Variants in JHY observed in about 807,000 individuals in gnomAD.
JHY encodes junctional cadherin complex regulator.
In JHY, 69 loss-of-function variants were observed where a neutral mutation model predicts 78.0. The observed-to-expected ratio is 0.88, with a 90% CI of 0.73 to 1.08. JHY has a LOEUF of 1.08. Ranked by LOEUF, JHY falls within the 50% of genes least tolerant of loss-of-function variation. The pLI is 0.00. For synonymous variants in JHY, 368 were observed against 342.6 expected, an observed-to-expected ratio of 1.07 and a Z score of -0.82; for missense variants, 944 against 927.8, an observed-to-expected ratio of 1.02 and a Z score of -0.23.
chr11:122,900,511 CTTTTT>C (rs374998954), intron 2 of JHY, among the ~76,000 whole-genome samples: 5 of 65,098 alleles, frequency 7.7e-5, no homozygotes, highest in African/African-American at 1.8e-4. Context: ...ATACTACCAG[CTTTTT>C]TTTTTTTTTT....
intron 3 of JHY, among the ~76,000 whole-genome samples, chr11:122,910,733 C>A (rs979746996): frequency 6.6e-6 from 1 of 152,106 alleles, no homozygotes; most frequent in Non-Finnish European, 1.5e-5. Flanking sequence ...TTTGTAGTAA[C>A]CCTTATAACT....
chr11:122,950,723 C>T (rs964985184), intron 6 of JHY, among the ~76,000 whole-genome samples: 34 of 152,212 alleles, frequency 2.2e-4, no homozygotes, highest in African/African-American at 6.8e-4. Context: ...CTTTTCCTTT[C>T]CCCTTCTTTT....
intron 7 of JHY, among the ~76,000 whole-genome samples, chr11:122,956,897 T>C (rs1429842779): frequency 6.6e-6 from 1 of 152,150 alleles, no homozygotes; most frequent in Non-Finnish European, 1.5e-5. Flanking sequence ...ATCTTGATAA[T>C]TGTGAAGAGT....
At chr11:122,939,605 G>A (rs1863830115) in intron 5 of JHY, among the ~76,000 whole-genome samples, 2 of 152,010 alleles carry the variant, frequency 1.3e-5, no homozygotes, top group African/African-American at 4.8e-5. Context: ...GAGTTAAATT[G>A]CATGCTTATT....
chr11:122,957,404 C>A lies in JHY; in HGVS notation c.2052C>A (p.Val684=), dbSNP rs745822540. 1 of 1,533,036 alleles carries A rather than the reference C, an allele frequency of 6.5e-7. No individual in the cohort carries two copies. Among genetic ancestry groups the A allele is most frequent in the Non-Finnish European group, 8.7e-7 (1 of 1,152,910 alleles). 95.0% of individuals were successfully genotyped at this position (1,533,036 alleles called of 1,614,324 possible). The change falls in exon 8 of 9, where the codon GTC becomes GTA. Residue 684 remains valine (V), a synonymous_variant. Coordinates refer to ENST00000227349, the MANE Select transcript of JHY (RefSeq NM_024806.4). ...AGCAAAAGGAATATGCAAAACAAGT[C>A]AAGGAGTACAACATGAAGACACTAT... is the stretch of plus-strand genomic sequence containing the variant. The part of the protein sequence containing the change: ...LIQQKEYAKQ[V]KEYNMKTLSI...
chr11:122,909,531 G>T (rs1023762907), intron 3 of JHY, among the ~76,000 whole-genome samples: 27 of 152,288 alleles, frequency 1.8e-4, no homozygotes, highest in African/African-American at 4.8e-4. Flanking sequence ...CGTAAACTCA[G>T]CATTTTGGGA....
rs1393825751 is a variant in JHY at position 122,956,593 on chromosome 11, T to TA, written c.2010+18dup. 8.7e-6 allele frequency: 14 copies of TA among 1,610,134 alleles called. No homozygotes were observed. The highest frequency in any genetic ancestry group is 1.2e-5 in the Non-Finnish European group (14 of 1,177,204). The stretch of plus-strand genomic sequence containing the variant: ...AGAGACAAAGTGAGTGAGATGCACA[T>TA]ACAGTGTTTCCAGACCTGACTCAGC... On this transcript the variant is annotated intron_variant, in intron 7 of 8. Transcript: ENST00000227349.
At chr11:122,951,379 G>A (rs1264422404) in intron 6 of JHY, among the ~76,000 whole-genome samples, 1 of 152,202 alleles carries the variant, frequency 6.6e-6, no homozygotes, top group East Asian at 1.9e-4. Context: ...CTGAGCTGAA[G>A]TAATTAACTC....
intron 2 of JHY, among the ~76,000 whole-genome samples, chr11:122,903,548 A>C (rs1428205158): frequency 1.3e-5 from 2 of 152,180 alleles, no homozygotes; most frequent in African/African-American, 4.8e-5. Context: ...TCGTGATTAT[A>C]GCTCACTGTA....
intron 5 of JHY, among the ~76,000 whole-genome samples, chr11:122,943,490 C>A (rs970508159): frequency 2.6e-5 from 4 of 152,018 alleles, no homozygotes; most frequent in Non-Finnish European, 5.9e-5. Flanking sequence ...TCTTTTAAGT[C>A]TTCTATAGCC....
chr11:122,944,070 A>C (rs1591395662), intron 5 of JHY, among the ~76,000 whole-genome samples: 1 of 152,058 alleles, frequency 6.6e-6, no homozygotes, highest in African/African-American at 2.4e-5. Flanking sequence ...GGTGGGGTGC[A>C]CCTGTGGTCA....
At chr11:122,884,914 C>T (rs558824424) in intron 1 of JHY, among the ~76,000 whole-genome samples, 1 of 152,148 alleles carries the variant, frequency 6.6e-6, no homozygotes, top group East Asian at 1.9e-4. Flanking sequence ...CTCCTCCCAC[C>T]GCAGTCTCCC....
At chr11:122,927,677 T>C (rs1366932888) in intron 4 of JHY, among the ~76,000 whole-genome samples, 1 of 152,146 alleles carries the variant, frequency 6.6e-6, no homozygotes, top group South Asian at 2.1e-4. Flanking sequence ...CCTGCCATAT[T>C]GGGCCGTGTC....
intron 8 of JHY, among the ~76,000 whole-genome samples, chr11:122,957,811 T>TCACACACACACACACACACACACA (rs113733119): frequency 6.7e-6 from 1 of 149,712 alleles, no homozygotes; most frequent in African/African-American, 2.5e-5. Context: ...ACACACACAG[T>TCACACACACACACACACACACACA]CACACACACA....
At chr11:122,896,971 C>T (rs1204209897) in intron 2 of JHY, among the ~76,000 whole-genome samples, 5 of 152,156 alleles carry the variant, frequency 3.3e-5, no homozygotes, top group Non-Finnish European at 7.4e-5. Context: ...ATTCTCCTGC[C>T]TCAGCCTCCT....
At chr11:122,897,433 T>G (rs1862761389) in intron 2 of JHY, among the ~76,000 whole-genome samples, 1 of 152,128 alleles carries the variant, frequency 6.6e-6, no homozygotes, top group Admixed American at 6.6e-5. Flanking sequence ...GGTTTCTCTG[T>G]GTTGCTCAGG....
Position 122,898,797 on chromosome 11 carries a change from C to T in JHY, c.345-5128C>T, listed in dbSNP as rs1009118237. Among the ~76,000 whole-genome samples the T allele has an allele frequency of 1.3e-5, 2 of 152,166 alleles. No individual in the cohort carries two copies. The highest frequency in any genetic ancestry group is 2.9e-5 in the Non-Finnish European group (2 of 68,026). ...ACTCTCTGGTTAATTTTGTTAAGCCCGAGCTGCTTCAAGTGTTTGCAACGT... is the reference window on the plus strand; with the variant it reads ...ACTCTCTGGTTAATTTTGTTAAGCCTGAGCTGCTTCAAGTGTTTGCAACGT... On this transcript the variant is annotated intron_variant, in intron 2 of 8. Coordinates refer to ENST00000227349, the MANE Select transcript of JHY (RefSeq NM_024806.4). The surrounding 1 kb of genome is among the most constrained non-coding windows in gnomAD (Gnocchi z 4.4).
Position 122,922,617 on chromosome 11 carries a change from T to C in JHY, c.865-2280T>C, listed in dbSNP as rs868864208. 7.4e-4 allele frequency among the ~76,000 whole-genome samples: 112 copies of C among 152,084 alleles called. 1 individual carries two copies. In the Middle Eastern group the frequency reaches 0.014, roughly 18 times the overall value. Reference sequence around the variant, plus strand: ...CGAGGTCAGGAGATAGAGACCATCCTGGCTAACACGGTGAAACCCCGTCTC... The same window carrying C: ...CGAGGTCAGGAGATAGAGACCATCCCGGCTAACACGGTGAAACCCCGTCTC... On this transcript the variant is annotated intron_variant, in intron 3 of 8. Coordinates refer to ENST00000227349, the MANE Select transcript of JHY (RefSeq NM_024806.4).
chr11:122,884,309 G>C (rs191742987), intron 1 of JHY, among the ~76,000 whole-genome samples: 1 of 152,052 alleles, frequency 6.6e-6, no homozygotes, highest in Non-Finnish European at 1.5e-5. Flanking sequence ...AACATTATAA[G>C]CAATCCTAGG....
Sources: allele counts gnomAD v4.1 joint callset (sites outside exome capture counted in the v4.1 genomes callset), GRCh38; gene constraint gnomAD v4.1.1; non-coding constraint Gnocchi (gnomAD v3.1); transcripts MANE v1.5; gene names NCBI Gene and HGNC (gene_info 2026-07-23, HGNC 2026-07-21).